Variants in WDR70 observed in about 807,000 individuals in gnomAD.
WDR70 encodes WD repeat domain 70.
A neutral mutation model predicts 88.6 loss-of-function variants in WDR70; 53 were observed. That is an observed-to-expected ratio of 0.60 (90% CI 0.48 to 0.75). WDR70 has a LOEUF of 0.75. Among genes scored for constraint, WDR70 ranks in the 30% least tolerant of loss-of-function variants. WDR70 has a pLI of 0.00. For synonymous variants in WDR70, 280 were observed against 270.0 expected (o/e 1.04, Z -0.36); for missense variants, 610 against 823.2 (o/e 0.74, Z 3.17).
chr5:37,484,380 C>T (rs529188879), intron 8 of WDR70, among the ~76,000 whole-genome samples: 1 of 152,208 alleles, frequency 6.6e-6, no homozygotes, highest in African/African-American at 2.4e-5. Flanking sequence ...CAGCGAAACC[C>T]TGTCTCCACC....
intron 10 of WDR70, among the ~76,000 whole-genome samples, chr5:37,611,166 G>T (rs1744180115): frequency 6.6e-6 from 1 of 151,928 alleles, no homozygotes; most frequent in Admixed American, 6.6e-5. Context: ...TGCTTTTAGT[G>T]GGTTTTTTTG....
intron 9 of WDR70, among the ~76,000 whole-genome samples, chr5:37,526,405 A>C (rs948123954): frequency 6.6e-6 from 1 of 152,246 alleles, no homozygotes; most frequent in African/African-American, 2.4e-5. Context: ...CAATAGATGC[A>C]GAAAAGGCCT....
At chr5:37,566,531 T>C (rs1742747199) in intron 9 of WDR70, among the ~76,000 whole-genome samples, 1 of 152,176 alleles carries the variant, frequency 6.6e-6, no homozygotes, top group South Asian at 2.1e-4. Flanking sequence ...ACTATTTATA[T>C]AGTAATTATA....
intron 10 of WDR70, among the ~76,000 whole-genome samples, chr5:37,690,834 G>T (rs542326268): frequency 4.6e-5 from 7 of 152,152 alleles, no homozygotes; most frequent in Non-Finnish European, 1.0e-4. Context: ...ACATCATAAT[G>T]ACAGGATCAA....
chr5:37,576,641 T>C (rs940985855), intron 9 of WDR70, among the ~76,000 whole-genome samples: 10 of 152,170 alleles, frequency 6.6e-5, no homozygotes, highest in Non-Finnish European at 1.3e-4. Flanking sequence ...AAGAACGCTT[T>C]CTTACCCTCC....
At chr5:37,608,512 T>C (rs1744097811) in intron 10 of WDR70, among the ~76,000 whole-genome samples, 1 of 152,108 alleles carries the variant, frequency 6.6e-6, no homozygotes, top group Admixed American at 6.5e-5. Flanking sequence ...TCCATAGTGC[T>C]GATTGCTGTC....
At chr5:37,640,653 T>C (rs1291679506) in intron 10 of WDR70, among the ~76,000 whole-genome samples, 2 of 152,216 alleles carry the variant, frequency 1.3e-5, no homozygotes, top group African/African-American at 4.8e-5. Context: ...GCATTTATTC[T>C]TAACTTCAGT....
At chr5:37,470,614 A>C (rs1298524125) in intron 7 of WDR70, among the ~76,000 whole-genome samples, 1 of 152,168 alleles carries the variant, frequency 6.6e-6, no homozygotes, top group African/African-American at 2.4e-5. Flanking sequence ...CTTTCACTTG[A>C]TTATATTTAT....
chr5:37,721,153 G>A lies in WDR70; in HGVS notation c.1455G>A (p.Gln485=). The change falls in exon 14 of 18, where the codon CAG becomes CAA. Residue 485 remains glutamine (Q), a synonymous_variant. Coordinates refer to ENST00000265107, the MANE Select transcript of WDR70 (RefSeq NM_018034.4). ...GCCTGTGGCATCCAAAGCTGAACCA[G>A]ATCATGGTTGGAACTGGAAATGGAT... is the stretch of plus-strand genomic sequence containing the variant. ...VRCLWHPKLN[Q]IMVGTGNGLA... 6.2e-7 allele frequency: 1 copy of A among 1,613,778 alleles called. No individual in the cohort carries two copies. The highest frequency in any genetic ancestry group is 8.5e-7 in the Non-Finnish European group (1 of 1,179,762).
chr5:37,490,958 A>G (rs1228434995), intron 8 of WDR70, among the ~76,000 whole-genome samples: 2 of 152,124 alleles, frequency 1.3e-5, no homozygotes, highest in African/African-American at 4.8e-5. Context: ...GGCCCCAGAA[A>G]GAAAACAGAC....
intron 10 of WDR70, among the ~76,000 whole-genome samples, chr5:37,695,637 A>C (rs1746958892): frequency 6.6e-6 from 1 of 152,126 alleles, no homozygotes; most frequent in African/African-American, 2.4e-5. Context: ...CATGTGAAAC[A>C]CTTCTCATAT....
intron 10 of WDR70, among the ~76,000 whole-genome samples, chr5:37,682,646 A>G (rs1441597960): frequency 6.6e-6 from 1 of 152,000 alleles, no homozygotes; most frequent in Non-Finnish European, 1.5e-5. Context: ...GTTTCAAAGA[A>G]CTTCTTGATT....
intron 11 of WDR70, 168 bp downstream of exon 11, chr5:37,697,922 G>T: frequency 7.9e-6 from 4 of 504,164 alleles, no homozygotes; most frequent in South Asian, 3.7e-5. Context: ...TTGCAACATT[G>T]TTTGTATTAA....
chr5:37,597,060 C>A (rs994021917), intron 9 of WDR70, among the ~76,000 whole-genome samples: 1 of 152,154 alleles, frequency 6.6e-6, no homozygotes, highest in African/African-American at 2.4e-5. Flanking sequence ...TAAAATTTCA[C>A]TCTATGGATG....
Position 37,627,744 on chromosome 5 carries a change from C to T in WDR70, c.1092+22506C>T, listed in dbSNP as rs568885128. Among the ~76,000 whole-genome samples the T allele has an allele frequency of 7.9e-5, 12 of 151,970 alleles. 1 individual carries two copies. The South Asian group carries it at 2.5e-3, about 32-fold the overall frequency. ...TGTGTTGGTATAGTTTTGAATGTTC[C>T]TCTTGTTATGTCTAGTTTTATTTCA... On this transcript the variant is annotated intron_variant, in intron 10 of 17. Transcript: ENST00000265107.
Position 37,665,553 on chromosome 5 carries a change from A to G in WDR70, c.1093-32102A>G, listed in dbSNP as rs115415554. 1.2e-3 allele frequency among the ~76,000 whole-genome samples: 189 copies of G among 152,278 alleles called. 2 individuals carry two copies. Among genetic ancestry groups the G allele is most frequent in the African/African-American group, 4.4e-3 (183 of 41,558 alleles). On this transcript the variant is annotated intron_variant, in intron 10 of 17. Coordinates refer to ENST00000265107, the MANE Select transcript of WDR70 (RefSeq NM_018034.4). ...GTTGCCACAACAAAGTCAGCAAACA[A>G]CCCCCAAAAGTCTCTAAGAAGTGTG...
chr5:37,635,606 A>G (rs1188665501), intron 10 of WDR70, among the ~76,000 whole-genome samples: 1 of 152,208 alleles, frequency 6.6e-6, no homozygotes, highest in East Asian at 1.9e-4. Context: ...TAAATGGACA[A>G]CTGAATCTCA....
intron 10 of WDR70, among the ~76,000 whole-genome samples, chr5:37,618,947 A>AGT (rs1237895800): frequency 6.6e-6 from 1 of 152,182 alleles, no homozygotes; most frequent in Non-Finnish European, 1.5e-5. Context: ...TGGATTCTGA[A>AGT]GATTTTTTGA....
chr5:37,555,711 TTTTTGTTTTGTTTTG>T (rs139350238), intron 9 of WDR70, among the ~76,000 whole-genome samples: 6 of 151,540 alleles, frequency 4.0e-5, no homozygotes, highest in African/African-American at 1.5e-4. Flanking sequence ...TGTTCAGTTT[TTTTTGTTTTGTTTTG>T]TTTTGTTTTT....
Sources: allele counts gnomAD v4.1 joint callset (sites outside exome capture counted in the v4.1 genomes callset), GRCh38; gene constraint gnomAD v4.1.1; transcripts MANE v1.5; gene names NCBI Gene and HGNC (gene_info 2026-07-23, HGNC 2026-07-21).